EXOC3L2: variants seen among roughly 807,000 people sequenced by gnomAD.
EXOC3L2 encodes exocyst complex component 3-like protein 2.
In EXOC3L2, 17 loss-of-function variants were observed where a neutral mutation model predicts 44.4. That is an observed-to-expected ratio of 0.38 (90% CI 0.26 to 0.57). The LOEUF (loss-of-function observed/expected upper bound fraction) is 0.57. Among genes scored for constraint, EXOC3L2 ranks in the 20% least tolerant of loss-of-function variants. EXOC3L2 has a pLI of 0.65. For missense variants in EXOC3L2, 541 were observed against 588.4 expected (o/e 0.92, Z 0.83); for synonymous variants, 256 against 253.7 (o/e 1.01, Z -0.09).
intron 11 of EXOC3L2, among the ~76,000 whole-genome samples, chr19:45,215,699 G>A (rs1969824987): frequency 6.6e-6 from 1 of 152,164 alleles, no homozygotes; most frequent in African/African-American, 2.4e-5. Context: ...CCTGGCAGGA[G>A]TTGAATGCCG....
intron 4 of EXOC3L2, among the ~76,000 whole-genome samples, chr19:45,229,051 A>G (rs1168049121): frequency 1.3e-5 from 2 of 152,078 alleles, no homozygotes; most frequent in African/African-American, 4.8e-5. Flanking sequence ...AGCCTGGGCA[A>G]CAGAGTGAGA....
chr19:45,212,493 G>C lies in EXOC3L2; in HGVS notation c.*576C>G, dbSNP rs1003515089. The C allele has an allele frequency of 6.5e-6, 1 of 152,838 alleles. No homozygotes were observed. Among genetic ancestry groups the C allele is most frequent in the African/African-American group, 2.4e-5 (1 of 41,442 alleles). The allele number at this position is 152,838 out of a possible 1,614,324, so 9.5% of individuals were successfully genotyped here. On this transcript the variant is annotated 3_prime_UTR_variant, in exon 12 of 12. Coordinates refer to ENST00000413988, the MANE Select transcript of EXOC3L2 (RefSeq NM_001382422.1). ...TGGGATATTTCTGTAGAGACTTCCA[G>C]AACGACACTCACCACTCTGGGCTAT...
In EXOC3L2 at chr19:45,234,017, C is replaced by T. The variant is rs761247302; in HGVS notation, c.1157+176G>A. ...GTGCTGGAACCGGAAGCCTCGGTAG[C>T]AGTGAGAGTCTAGGATTGTAACTGT... On this transcript the variant is annotated intron_variant, in intron 3 of 11. Coordinates refer to ENST00000413988, the MANE Select transcript of EXOC3L2 (RefSeq NM_001382422.1). This position sits in a 1 kb window ranked among gnomAD's most constrained non-coding sequence, Gnocchi z 5.0. Among the ~76,000 whole-genome samples the T allele has an allele frequency of 2.2e-4, 33 of 152,136 alleles. No individual in the cohort carries two copies. The highest frequency in any genetic ancestry group is 4.6e-4 in the Admixed American group (7 of 15,256).
intron 4 of EXOC3L2, among the ~76,000 whole-genome samples, chr19:45,230,956 G>T (rs146991247): frequency 6.6e-6 from 1 of 151,854 alleles, no homozygotes; most frequent in Non-Finnish European, 1.5e-5. Context: ...AGGCATGGTG[G>T]TGTGTGCCTG....
intron 10 of EXOC3L2, 86 bp downstream of exon 10, chr19:45,217,442 C>G (rs567166959): frequency 8.5e-6 from 12 of 1,408,438 alleles, no homozygotes; most frequent in African/African-American, 3.0e-5. Flanking sequence ...CTGCCCCTCT[C>G]CCCCTGGCTT....
chr19:45,229,937 T>C (rs1970012642), intron 4 of EXOC3L2, among the ~76,000 whole-genome samples: 1 of 149,090 alleles, frequency 6.7e-6, no homozygotes, highest in Admixed American at 6.7e-5. Flanking sequence ...TGTTAATATG[T>C]ATACACAAAT....
chr19:45,227,913 G>C (rs1425247939), intron 6 of EXOC3L2, 61 bp downstream of exon 6: 6 of 1,557,390 alleles, frequency 3.9e-6, no homozygotes. Flanking sequence ...CTCTCTATTG[G>C]ATCCCAGGCC....
rs374595992 is a variant in EXOC3L2 at position 45,227,653 on chromosome 19, T to G, written c.1583+9A>C. The G allele has an allele frequency of 1.9e-6, 3 of 1,603,242 alleles. No homozygotes were observed. The highest frequency in any genetic ancestry group is 2.6e-6 in the Non-Finnish European group (3 of 1,174,512). Reference sequence around the variant, plus strand: ...GGTCCTCCCTCCATCACACCATGGATGCCCTCACCTCAGTGGGGGGCCGCA... The same window carrying G: ...GGTCCTCCCTCCATCACACCATGGAGGCCCTCACCTCAGTGGGGGGCCGCA... On this transcript the variant is annotated intron_variant, in intron 7 of 11. Transcript: ENST00000413988.
At position 45,224,853 on chromosome 19, in the gene EXOC3L2, T is replaced by C; in HGVS notation, c.1644A>G (p.Ala548=). 6.3e-7 allele frequency: 1 copy of C among 1,590,394 alleles called. No individual in the cohort carries two copies. The highest frequency in any genetic ancestry group is 8.6e-7 in the Non-Finnish European group (1 of 1,167,680). ...TCACATGGTCCAGAGCACTAGCAGA[T>C]GCTTCCCGGGCCGGCTCGCTTTCTG... is the stretch of plus-strand genomic sequence containing the variant. ...GPPESEPARE[A]SASALDHVTR... The change falls in exon 8 of 12, where the codon GCA becomes GCG. Residue 548 remains alanine, a synonymous_variant. Coordinates refer to ENST00000413988, the MANE Select transcript of EXOC3L2 (RefSeq NM_001382422.1).
chr19:45,216,135 C>A lies in EXOC3L2; in HGVS notation c.2058G>T (p.Leu686=). ...VVPHLAEVMQ[L]EDTPSIQVEV... is the part of the protein sequence containing the mutation. ...CCACCTGGATGCTGGGCGTGTCTTC[C>A]AGCTGCATGACTTCAGCCAAATGGG... The change falls in exon 11 of 12, where the codon CTG becomes CTT. Residue 686 remains leucine, a synonymous_variant. Transcript: ENST00000413988. The A allele has an allele frequency of 6.2e-7, 1 of 1,614,028 alleles. No individual in the cohort carries two copies. The highest frequency in any genetic ancestry group is 8.5e-7 in the Non-Finnish European group (1 of 1,179,996).
In EXOC3L2 at chr19:45,213,052, C is replaced by T. The variant is rs573580395; in HGVS notation, c.*17G>A. 8 of 1,468,092 alleles carry T rather than the reference C, an allele frequency of 5.4e-6. No individual in the cohort carries two copies. The highest frequency in any genetic ancestry group is 4.3e-5 in the South Asian group (3 of 69,032). The allele number at this position is 1,468,092 out of a possible 1,614,324, so 90.9% of individuals were successfully genotyped here. Reference sequence around the variant, plus strand: ...GCAGCATAGATGGGGTCACTAAGGCCGGCGGTTGGGTGACCCTCAGCGCTG... The same window carrying T: ...GCAGCATAGATGGGGTCACTAAGGCTGGCGGTTGGGTGACCCTCAGCGCTG... On this transcript the variant is annotated 3_prime_UTR_variant, in exon 12 of 12. Transcript: ENST00000413988.
chr19:45,241,751 C>T (rs1025908749), intron 1 of EXOC3L2, among the ~76,000 whole-genome samples: 1 of 152,156 alleles, frequency 6.6e-6, no homozygotes, highest in Admixed American at 6.6e-5. Flanking sequence ...GGACTCAGCC[C>T]CATGCCCCCT....
chr19:45,227,504 C>T (rs1333449075), intron 7 of EXOC3L2, among the ~76,000 whole-genome samples, 158 bp downstream of exon 7: 1 of 152,168 alleles, frequency 6.6e-6, no homozygotes, highest in Non-Finnish European at 1.5e-5. Flanking sequence ...CTCTGTGGTG[C>T]TATGGCTGTT....
chr19:45,229,902 A>G (rs1033872719), intron 4 of EXOC3L2, among the ~76,000 whole-genome samples: 1 of 148,772 alleles, frequency 6.7e-6, no homozygotes, highest in African/African-American at 2.5e-5. Context: ...ATTATTGTAT[A>G]TTATTTATAA....
rs1970059360 is a variant in EXOC3L2 at position 45,234,244 on chromosome 19, G to C, written c.1106C>G (p.Pro369Arg). The change falls in exon 3 of 12, where the codon CCG (proline) becomes CGG (arginine). Residue 369 changes from proline (P) to arginine (R), a missense_variant. Coordinates refer to ENST00000413988, the MANE Select transcript of EXOC3L2 (RefSeq NM_001382422.1). This position sits in a 1 kb window ranked among gnomAD's most constrained non-coding sequence, Gnocchi z 5.0. Reference sequence around the variant, plus strand: ...CAGCAGCGCGTAGCGGTCGGCCAGCGGCAGCCTGCGACGGGCGGAGGCCCC... The same window carrying C: ...CAGCAGCGCGTAGCGGTCGGCCAGCCGCAGCCTGCGACGGGCGGAGGCCCC... ...WLGASARRRLPLADRYALLHW... is the reference protein window; with the variant it reads ...WLGASARRRLRLADRYALLHW... The C allele has an allele frequency of 2.5e-6, 1 of 396,570 alleles. No homozygotes were observed. Among genetic ancestry groups the C allele is most frequent in the East Asian group, 3.6e-5 (1 of 27,986 alleles). 24.6% of individuals were successfully genotyped at this position (396,570 alleles called of 1,614,324 possible).
chr19:45,238,516 G>GACTCACCTGACAA lies in EXOC3L2; in HGVS notation c.517_523+6dup. The GACTCACCTGACAA allele has an allele frequency of 2.5e-6, 1 of 399,588 alleles. No individual in the cohort carries two copies. 24.8% of individuals were successfully genotyped at this position (399,588 alleles called of 1,614,324 possible). Reference sequence around the variant, plus strand: ...CTCCCAGGACAGGGTCAGGGCTCCGGACTCACCTGACAATGGCTCCTTCAT... The same window carrying GACTCACCTGACAA: ...CTCCCAGGACAGGGTCAGGGCTCCGGACTCACCTGACAAACTCACCTGACAATGGCTCCTTCAT... On this transcript the variant is annotated splice_region_variant and intron_variant, in intron 2 of 11. Transcript: ENST00000413988. This position sits in a 1 kb window ranked among gnomAD's most constrained non-coding sequence, Gnocchi z 5.5.
chr19:45,222,583 T>C lies in EXOC3L2; in HGVS notation c.1719+2195A>G, dbSNP rs537655656. Reference sequence around the variant, plus strand: ...TTCCTTCCTCCCTCACCTATCTTGTTTTCTCAGTCTCTCCCTGTTTCTTTT... The same window carrying C: ...TTCCTTCCTCCCTCACCTATCTTGTCTTCTCAGTCTCTCCCTGTTTCTTTT... On this transcript the variant is annotated intron_variant, in intron 8 of 11. Transcript: ENST00000413988. 2.6e-5 allele frequency among the ~76,000 whole-genome samples: 4 copies of C among 152,226 alleles called. No homozygotes were observed. In the South Asian group the frequency reaches 8.3e-4, roughly 32 times the overall value.
At chr19:45,223,221 C>T (rs1367526348) in intron 8 of EXOC3L2, among the ~76,000 whole-genome samples, 1 of 152,138 alleles carries the variant, frequency 6.6e-6, no homozygotes, top group African/African-American at 2.4e-5. Flanking sequence ...AACCCCGTCT[C>T]TACTAAAAAT....
At chr19:45,230,409 G>A (rs1388367160) in intron 4 of EXOC3L2, among the ~76,000 whole-genome samples, 1 of 152,086 alleles carries the variant, frequency 6.6e-6, no homozygotes, top group African/African-American at 2.4e-5. Flanking sequence ...TACTAGAGAC[G>A]GGGTTTCACT....
Sources: allele counts gnomAD v4.1 joint callset (sites outside exome capture counted in the v4.1 genomes callset), GRCh38; gene constraint gnomAD v4.1.1; non-coding constraint Gnocchi (gnomAD v3.1); transcripts MANE v1.5; gene names NCBI Gene and HGNC (gene_info 2026-07-23, HGNC 2026-07-21).